The following XRRA1 variants were observed in gnomAD, a reference collection of about 807,000 sequenced individuals.
XRRA1 encodes X-ray radiation resistance-associated protein 1.
Under a neutral mutation model 80.2 loss-of-function variants are expected in XRRA1, and 69 were observed. That is an observed-to-expected ratio of 0.86 (90% confidence interval 0.71 to 1.05). XRRA1 has a LOEUF of 1.05. Ranked by LOEUF, XRRA1 falls within the 50% of genes least tolerant of loss-of-function variation. The pLI is 0.00. For synonymous variants in XRRA1, 348 were observed against 389.9 expected (o/e 0.89, Z 1.27); for missense variants, 967 against 976.4 (o/e 0.99, Z 0.13).
chr11:74,871,590 T>TGG (rs2044782073), intron 10 of XRRA1, among the ~76,000 whole-genome samples: 2 of 152,138 alleles, frequency 1.3e-5, no homozygotes, highest in South Asian at 4.1e-4. Flanking sequence ...AAAAGCAACT[T>TGG]CAGGCAGCTA....
chr11:74,862,111 T>C (rs1322230960), intron 11 of XRRA1, among the ~76,000 whole-genome samples: 1 of 152,206 alleles, frequency 6.6e-6, no homozygotes, highest in Non-Finnish European at 1.5e-5. Flanking sequence ...CCTGATGCTG[T>C]AATGAAACCA....
intron 4 of XRRA1, among the ~76,000 whole-genome samples, chr11:74,934,725 C>T (rs573544538): frequency 8.0e-4 from 122 of 152,148 alleles, no homozygotes; most frequent in Middle Eastern, 3.4e-3. Context: ...GTTAGTGAGA[C>T]GGCCATTAGA....
rs547810666 is a variant in XRRA1 at position 74,842,291 on chromosome 11, G to C, written c.*909C>G. The stretch of plus-strand genomic sequence containing the variant: ...GTTTCTGTCAGCAAGGACATGGCAT[G>C]GAATCAAGTGGGCTGATGTGTTGTT... On this transcript the variant is annotated 3_prime_UTR_variant, in exon 19 of 19. Transcript: ENST00000684022. 1 of 152,340 alleles carries C rather than the reference G, an allele frequency of 6.6e-6. No homozygotes were observed. The highest frequency in any genetic ancestry group is 2.1e-4 in the South Asian group (1 of 4,822). 9.4% of individuals were successfully genotyped at this position (152,340 alleles called of 1,614,324 possible). A position where few individuals can be genotyped will look rare whatever the true frequency, so the allele number is the denominator to read the frequency against.
At chr11:74,918,299 A>AGTGTGTGTGT (rs35763136) in intron 8 of XRRA1, among the ~76,000 whole-genome samples, 7,554 of 150,086 alleles carry the variant, frequency 0.05, 239 homozygotes, top group African/African-American at 0.07. Flanking sequence ...TTCCTTCCTT[A>AGTGTGTGTGT]GTGTGTGTGT....
intron 10 of XRRA1, among the ~76,000 whole-genome samples, chr11:74,885,647 A>G (rs2048844190): frequency 1.3e-5 from 2 of 152,154 alleles, no homozygotes; most frequent in African/African-American, 2.4e-5. Flanking sequence ...TGTATAAAGA[A>G]CTGGTACCAT....
At chr11:74,867,493 G>A (rs569677838) in intron 10 of XRRA1, among the ~76,000 whole-genome samples, 4 of 152,146 alleles carry the variant, frequency 2.6e-5, no homozygotes, top group Non-Finnish European at 5.9e-5. Flanking sequence ...TGAAAGACTG[G>A]CTCTTCAAAA....
At chr11:74,926,290 G>T (rs1942214871) in intron 7 of XRRA1, among the ~76,000 whole-genome samples, 1 of 152,140 alleles carries the variant, frequency 6.6e-6, no homozygotes, top group African/African-American at 2.4e-5. Flanking sequence ...GCATATGAAG[G>T]CCATCAACTC....
chr11:74,945,433 A>G (rs529581242), intron 1 of XRRA1, among the ~76,000 whole-genome samples: 224 of 152,342 alleles, frequency 1.5e-3, no homozygotes, highest in Non-Finnish European at 2.4e-3. Context: ...TCAAAGTTGA[A>G]AGATAAGACA....
At chr11:74,889,140 G>A (rs11823418) in intron 10 of XRRA1, among the ~76,000 whole-genome samples, 12,769 of 152,032 alleles carry the variant, frequency 0.084, 1,778 homozygotes, top group African/African-American at 0.29. Flanking sequence ...AAAAATGTTA[G>A]GGGCAGCCAG....
chr11:74,908,288 C>T (rs182422635), intron 8 of XRRA1, among the ~76,000 whole-genome samples: 1 of 152,198 alleles, frequency 6.6e-6, no homozygotes, highest in Non-Finnish European at 1.5e-5. Context: ...TGCCTGAAGT[C>T]GCATAGCTAG....
At chr11:74,895,530 G>GTT (rs1453724388) in intron 10 of XRRA1, among the ~76,000 whole-genome samples, 1 of 152,226 alleles carries the variant, frequency 6.6e-6, no homozygotes, top group Non-Finnish European at 1.5e-5. Flanking sequence ...AACTCCTAGT[G>GTT]TTAGGCTGGG....
intron 10 of XRRA1, among the ~76,000 whole-genome samples, chr11:74,902,263 T>TA (rs2053691521): frequency 1.3e-5 from 2 of 152,156 alleles, no homozygotes; most frequent in Admixed American, 1.3e-4. Flanking sequence ...AGTCAGGCAA[T>TA]AACAAATGCT....
intron 12 of XRRA1, 39 bp from the exon 13 acceptor site, chr11:74,852,121 C>T (rs1227421290): frequency 2.0e-6 from 3 of 1,537,408 alleles, no homozygotes; most frequent in Non-Finnish European, 2.7e-6. Context: ...GTTGACACCA[C>T]CCCTCACCTC....
intron 10 of XRRA1, among the ~76,000 whole-genome samples, chr11:74,897,302 T>C (rs7118787): frequency 0.021 from 3,213 of 151,742 alleles, 107 homozygotes; most frequent in African/African-American, 0.074. Context: ...AACAGACTAT[T>C]TGAAAATACC....
chr11:74,848,044 C>G lies in XRRA1; in HGVS notation c.1728+71G>C, dbSNP rs972609948. On this transcript the variant is annotated intron_variant, in intron 15 of 18. Transcript: ENST00000684022. ...GTTGCTCCCAGCTGTCCACAGCAAT[C>G]GAGCCTAAGGGCTGCACAGGAACCT... 8.0e-5 allele frequency: 111 copies of G among 1,380,152 alleles called. No homozygotes were observed. The African/African-American group carries it at 1.4e-3, about 18-fold the overall frequency. 85.5% of individuals were successfully genotyped at this position (1,380,152 alleles called of 1,614,324 possible). A position where few individuals can be genotyped will look rare whatever the true frequency, so the allele number is the denominator to read the frequency against.
chr11:74,929,413 C>A (rs948977063), intron 6 of XRRA1, among the ~76,000 whole-genome samples: 12 of 152,232 alleles, frequency 7.9e-5, no homozygotes, highest in Admixed American at 5.2e-4. Flanking sequence ...TTCTTCTTCT[C>A]TTATAATCCA....
rs1428890058 is a variant in XRRA1 at position 74,890,823 on chromosome 11, A to G, written c.1003+15416T>C. Among the ~76,000 whole-genome samples the G allele has an allele frequency of 2.0e-5, 3 of 151,986 alleles. No individual in the cohort carries two copies. In the East Asian group the frequency reaches 5.8e-4, roughly 29 times the overall value. On this transcript the variant is annotated intron_variant, in intron 10 of 18. Coordinates refer to ENST00000684022, the MANE Select transcript of XRRA1 (RefSeq NM_001378157.1). Reference sequence around the variant, plus strand: ...TCTAGAAGAAATGGATAAATTCCTCAACACATACACCCTCCCAAGGCTAAA... The same window carrying G: ...TCTAGAAGAAATGGATAAATTCCTCGACACATACACCCTCCCAAGGCTAAA...
rs958104747 is a variant in XRRA1, at chr11:74,874,684, T to G, written c.1004-11663A>C. Among the ~76,000 whole-genome samples, 16 of 152,202 alleles carry G rather than the reference T, an allele frequency of 1.1e-4. 1 individual carries two copies. Among genetic ancestry groups the G allele is most frequent in the African/African-American group, 3.9e-4 (16 of 41,430 alleles). On this transcript the variant is annotated intron_variant, in intron 10 of 18. Coordinates refer to ENST00000684022, the MANE Select transcript of XRRA1 (RefSeq NM_001378157.1). The stretch of plus-strand genomic sequence containing the variant: ...CTCCCTAAATATCAGGCTCTGATAT[T>G]AGAAGGGTCTACAATCCAGTTAAAA...
At chr11:74,874,233 CAAAAAAAA>C (rs367875228) in intron 10 of XRRA1, among the ~76,000 whole-genome samples, 5 of 48,310 alleles carry the variant, frequency 1.0e-4, no homozygotes, top group East Asian at 1.3e-3. Flanking sequence ...GACTCCGTCT[CAAAAAAAA>C]AAAAAAAAAA....
Sources: gnomAD v4.1 joint callset for allele counts (sites outside exome capture counted in the v4.1 genomes callset) on GRCh38, gnomAD v4.1.1 for gene constraint, MANE v1.5 for transcripts, NCBI Gene and HGNC (gene_info 2026-07-23, HGNC 2026-07-21) for gene names.